TRPC6: variants seen among roughly 807,000 people sequenced by gnomAD.
TRPC6 encodes the protein transient receptor potential cation channel subfamily C member 6.
TRPC6 carries 55 observed loss-of-function variants against 90.7 expected under a neutral mutation model. The ratio of observed to expected loss-of-function variants is 0.61; its 90% CI spans 0.49 to 0.76. TRPC6 has a LOEUF of 0.76. TRPC6 is among the 30% of genes least tolerant of loss of function. The pLI is 0.00. For synonymous variants in TRPC6, 393 were observed against 393.0 expected (o/e 1.00, Z 0.00); for missense variants, 989 against 1,122.7 (o/e 0.88, Z 1.70).
intron 1 of TRPC6, among the ~76,000 whole-genome samples, chr11:101,543,142 A>G (rs1244970851): frequency 6.6e-6 from 1 of 152,184 alleles, no homozygotes; most frequent in Non-Finnish European, 1.5e-5. Context: ...AATGTCCTTA[A>G]GTATGTGAAA....
rs1453822373 is a variant in TRPC6, at chr11:101,455,019, T to A, written c.2567A>T (p.Gln856Leu). The A allele has an allele frequency of 1.2e-6, 2 of 1,609,534 alleles. No homozygotes were observed. Residue 856 changes from glutamine (Q) to leucine (L), a missense_variant and splice_region_variant, in exon 11 of 13, where the codon CAG (glutamine) becomes CTG (leucine). This residue lies in a region of TRPC6 where 191 missense variants were observed against 196.7 expected (regional missense o/e 0.97). Coordinates refer to ENST00000344327, the MANE Select transcript of TRPC6 (RefSeq NM_004621.6). ...NSFNNPPRQYQKIMKRLIKRY... is the reference protein window; with the variant it reads ...NSFNNPPRQYLKIMKRLIKRY... ...ATTCCTTTAAAAATCCATGCTTACCTGATATTGTCTTGGAGGATTATTGAA... is the reference window on the plus strand; with the variant it reads ...ATTCCTTTAAAAATCCATGCTTACCAGATATTGTCTTGGAGGATTATTGAA...
At chr11:101,560,958 A>T (rs1242765192) in intron 1 of TRPC6, among the ~76,000 whole-genome samples, 1 of 152,196 alleles carries the variant, frequency 6.6e-6, no homozygotes, top group Non-Finnish European at 1.5e-5. Flanking sequence ...GATTGTTGCC[A>T]ATGAGTTAAT....
At chr11:101,478,942 TA>T (rs1204060006) in intron 5 of TRPC6, among the ~76,000 whole-genome samples, 1 of 152,148 alleles carries the variant, frequency 6.6e-6, no homozygotes, top group African/African-American at 2.4e-5. Flanking sequence ...AGAGGCAGGT[TA>T]ACCATGAAAC....
chr11:101,492,910 T>A (rs758454428), intron 2 of TRPC6, among the ~76,000 whole-genome samples: 4 of 152,220 alleles, frequency 2.6e-5, no homozygotes, highest in Admixed American at 6.5e-5. Context: ...TTGAGACTCT[T>A]CTCTTTAGAG....
chr11:101,495,321 A>T (rs946416066), intron 2 of TRPC6, among the ~76,000 whole-genome samples: 3 of 152,190 alleles, frequency 2.0e-5, no homozygotes, highest in African/African-American at 4.8e-5. Context: ...CTATATAAAG[A>T]ATGAAGTTTA....
intron 1 of TRPC6, among the ~76,000 whole-genome samples, chr11:101,573,615 A>C (rs1172594908): frequency 6.6e-6 from 1 of 152,134 alleles, no homozygotes; most frequent in African/African-American, 2.4e-5. Flanking sequence ...TTTGCCTTGT[A>C]ATCTTTCATG....
chr11:101,522,884 G>T (rs555816697), intron 1 of TRPC6, among the ~76,000 whole-genome samples: 1 of 152,266 alleles, frequency 6.6e-6, no homozygotes, highest in Admixed American at 6.5e-5. Context: ...CATAAAATTT[G>T]TAAAGCTCTA....
chr11:101,545,937 A>G (rs1861292670), intron 1 of TRPC6, among the ~76,000 whole-genome samples: 1 of 150,434 alleles, frequency 6.6e-6, no homozygotes. Flanking sequence ...CTTGCCTATG[A>G]TGTTCAACTT....
At chr11:101,471,099 G>A in intron 9 of TRPC6, 84 bp downstream of exon 9, 1 of 1,345,922 alleles carries the variant, frequency 7.4e-7, no homozygotes. Flanking sequence ...ATCAGGAACT[G>A]CTTCTCTTTA....
Position 101,556,122 on chromosome 11 carries a change from A to C in TRPC6, c.170+27212T>G, listed in dbSNP as rs1193705684. Among the ~76,000 whole-genome samples, 3 of 152,200 alleles carry C rather than the reference A, an allele frequency of 2.0e-5. 1 individual carries two copies. Among genetic ancestry groups the C allele is most frequent in the Admixed American group, 2.0e-4 (3 of 15,274 alleles). ...TAAACACCTATTTCAAAAAAGAAGA[A>C]AGATCTCAAATTAACAACCTAATAT... On this transcript the variant is annotated intron_variant, in intron 1 of 12. Transcript: ENST00000344327.
Position 101,482,568 on chromosome 11 carries a change from G to T in TRPC6, c.1510+381C>A, listed in dbSNP as rs138548771. On this transcript the variant is annotated intron_variant, in intron 5 of 12. Transcript: ENST00000344327. ...GGCACAAAATAAATGCTCAATAAATGCAAGTGGCTGTTAGCTTCAATTCCT... is the reference window on the plus strand; with the variant it reads ...GGCACAAAATAAATGCTCAATAAATTCAAGTGGCTGTTAGCTTCAATTCCT... Among the ~76,000 whole-genome samples the T allele has an allele frequency of 5.9e-3, 899 of 152,280 alleles. 6 individuals carry two copies. The highest frequency in any genetic ancestry group is 0.021 in the African/African-American group (857 of 41,546).
chr11:101,507,274 C>A (rs1860296678), intron 1 of TRPC6, among the ~76,000 whole-genome samples: 1 of 151,834 alleles, frequency 6.6e-6, no homozygotes, highest in Non-Finnish European at 1.5e-5. Flanking sequence ...TTCAATCAAA[C>A]TCTCTTCTCC....
intron 2 of TRPC6, among the ~76,000 whole-genome samples, chr11:101,494,902 T>C (rs954139080): frequency 6.6e-6 from 1 of 152,236 alleles, no homozygotes; most frequent in Non-Finnish European, 1.5e-5. Flanking sequence ...TGGGAAATCA[T>C]TTACAAATAT....
At position 101,504,844 on chromosome 11, in the gene TRPC6, T is replaced by C. The variant is rs1275307820; in HGVS notation, c.171-46A>G. On this transcript the variant is annotated intron_variant, in intron 1 of 12. Coordinates refer to ENST00000344327, the MANE Select transcript of TRPC6 (RefSeq NM_004621.6). Reference sequence around the variant, plus strand: ...TGTAAACAAATCACATTAAGAGCATTTTAGTGTGCCAAATGACTTGCCATT... The same window carrying C: ...TGTAAACAAATCACATTAAGAGCATCTTAGTGTGCCAAATGACTTGCCATT... The C allele has an allele frequency of 6.9e-6, 11 of 1,598,962 alleles. No homozygotes were observed. In the African/African-American group the frequency reaches 1.5e-4, roughly 22 times the overall value.
chr11:101,472,429 TAGTG>T (rs534997911), intron 7 of TRPC6, 97 bp from the exon 8 acceptor site: 15 of 1,197,608 alleles, frequency 1.3e-5, no homozygotes, highest in Middle Eastern at 2.7e-4. Flanking sequence ...GTCTGCAAAT[TAGTG>T]AGTATAAAAA....
At position 101,452,823 on chromosome 11, in the gene TRPC6, G is replaced by T; in HGVS notation, c.*132C>A. 1.9e-6 allele frequency: 2 copies of T among 1,049,958 alleles called. No individual in the cohort carries two copies. Among genetic ancestry groups the T allele is most frequent in the Non-Finnish European group, 2.8e-6 (2 of 702,180 alleles). 65.0% of individuals were successfully genotyped at this position (1,049,958 alleles called of 1,614,324 possible). The stretch of plus-strand genomic sequence containing the variant: ...AAAATTAGATACTAGGGCTCCAGAT[G>T]ATAGGATGGCCCAAGTTATTTAACG... On this transcript the variant is annotated 3_prime_UTR_variant, in exon 13 of 13. Transcript: ENST00000344327.
At chr11:101,548,250 C>CATATAT (rs1491446189) in intron 1 of TRPC6, among the ~76,000 whole-genome samples, 5 of 56,160 alleles carry the variant, frequency 8.9e-5, no homozygotes, top group African/African-American at 1.7e-4. Flanking sequence ...AGAACTAGAT[C>CATATAT]ATATATATAT....
intron 1 of TRPC6, among the ~76,000 whole-genome samples, chr11:101,534,752 G>A (rs189220153): frequency 2.2e-4 from 34 of 152,288 alleles, no homozygotes; most frequent in Admixed American, 1.0e-3. Context: ...TCATAGCTGA[G>A]TGAAGTTTCA....
At chr11:101,465,036 C>T (rs1292056008) in intron 10 of TRPC6, among the ~76,000 whole-genome samples, 1 of 152,152 alleles carries the variant, frequency 6.6e-6, no homozygotes, top group Non-Finnish European at 1.5e-5. Flanking sequence ...GATTTTATTT[C>T]TCCTTCACTT....
Sources: gnomAD v4.1 joint callset for allele counts (sites outside exome capture counted in the v4.1 genomes callset) on GRCh38, gnomAD v4.1.1 for gene constraint, gnomAD v4.1.1 regional missense constraint, MANE v1.5 for transcripts, NCBI Gene and HGNC (gene_info 2026-07-23, HGNC 2026-07-21) for gene names.